The following FGF12 variants were observed in gnomAD, a reference collection of about 807,000 sequenced individuals.
The protein encoded by FGF12 is fibroblast growth factor 12, also known as fibroblast growth factor 12B.
Under a neutral mutation model 23.6 loss-of-function variants are expected in FGF12, and 14 were observed. That is an observed-to-expected ratio of 0.59 (90% confidence interval 0.39 to 0.93). The LOEUF (loss-of-function observed/expected upper bound fraction) is 0.93. Among genes scored for constraint, FGF12 ranks in the 40% least tolerant of loss-of-function variants. The pLI is 0.00. For missense variants in FGF12, 175 were observed against 217.8 expected, an observed-to-expected ratio of 0.80 and a Z score of 1.24; for synonymous variants, 62 against 77.3, an observed-to-expected ratio of 0.80 and a Z score of 1.04.
chr3:192,274,759 C>G (rs1713675277), intron 4 of FGF12, among the ~76,000 whole-genome samples: 1 of 152,200 alleles, frequency 6.6e-6, no homozygotes, highest in South Asian at 2.1e-4. Flanking sequence ...AACAAGGACA[C>G]AGTGTGGCAC....
intron 2 of FGF12, 168 bp downstream of exon 2, chr3:192,727,013 A>G (rs1403616468): frequency 5.2e-6 from 4 of 762,660 alleles, no homozygotes; most frequent in Non-Finnish European, 8.8e-6. Flanking sequence ...AGTTAAAAAG[A>G]AGTCGCCTTC....
At chr3:192,288,918 T>C (rs960562160) in intron 4 of FGF12, among the ~76,000 whole-genome samples, 3 of 152,142 alleles carry the variant, frequency 2.0e-5, no homozygotes, top group Admixed American at 1.3e-4. Context: ...ATGCCTTTTA[T>C]GCTTAACTTT....
chr3:192,358,303 A>G (rs1374882684), intron 3 of FGF12, among the ~76,000 whole-genome samples: 4 of 152,086 alleles, frequency 2.6e-5, no homozygotes, highest in African/African-American at 9.7e-5. Context: ...AGGTATCCAG[A>G]TAAACTTGTA....
chr3:192,635,658 CTTCAA>C (rs1364755686), intron 2 of FGF12, among the ~76,000 whole-genome samples: 1 of 152,216 alleles, frequency 6.6e-6, no homozygotes, highest in African/African-American at 2.4e-5. Flanking sequence ...TTTGATATCA[CTTCAA>C]CCAATAGATG....
chr3:192,629,401 G>A (rs1176924098), intron 2 of FGF12, among the ~76,000 whole-genome samples: 3 of 152,328 alleles, frequency 2.0e-5, no homozygotes, highest in African/African-American at 4.8e-5. Flanking sequence ...AGTTTAAAAT[G>A]TTGGGGAGAT....
chr3:192,167,388 C>T (rs1432390912), intron 5 of FGF12, among the ~76,000 whole-genome samples: 1 of 151,906 alleles, frequency 6.6e-6, no homozygotes, highest in Non-Finnish European at 1.5e-5. Context: ...AGATCCAGGG[C>T]CAGCATGTGT....
intron 2 of FGF12, among the ~76,000 whole-genome samples, chr3:192,517,666 T>C (rs887928666): frequency 3.3e-5 from 5 of 152,232 alleles, no homozygotes. Context: ...CTGTATAGTA[T>C]GGACATTTGA....
intron 2 of FGF12, among the ~76,000 whole-genome samples, chr3:192,546,689 A>G (rs1251843126): frequency 2.7e-5 from 4 of 145,634 alleles, no homozygotes; most frequent in Non-Finnish European, 6.0e-5. Flanking sequence ...TCTCTACTCA[A>G]TAGACTTTTA....
Position 192,408,882 on chromosome 3 carries a change from G to T in FGF12, c.14-48344C>A. On this transcript the variant is annotated intron_variant, in intron 2 of 5. Transcript: ENST00000445105. The surrounding 1 kb of genome is among the most constrained non-coding windows in gnomAD (Gnocchi z 7.3). ...AGGAGGTCCGTCCCAGCAGGGTGAG[G>T]TCTACAGAATGCATCGCGCCGGCTG... 2.0e-6 allele frequency: 2 copies of T among 985,470 alleles called. No individual in the cohort carries two copies. Among genetic ancestry groups the T allele is most frequent in the Non-Finnish European group, 2.4e-6 (2 of 829,986 alleles). The allele number at this position is 985,470 out of a possible 1,614,324, so 61.0% of individuals were successfully genotyped here.
chr3:192,298,747 A>C (rs1031521316), intron 4 of FGF12, among the ~76,000 whole-genome samples: 1 of 149,940 alleles, frequency 6.7e-6, no homozygotes, highest in African/African-American at 2.4e-5. Context: ...TGTCTCAAAG[A>C]AAAAAAAAAG....
At chr3:192,524,553 G>A (rs977814349) in intron 2 of FGF12, among the ~76,000 whole-genome samples, 2 of 152,196 alleles carry the variant, frequency 1.3e-5, no homozygotes, top group Admixed American at 6.5e-5. Flanking sequence ...TCAAAGGCTT[G>A]TTGGACATGA....
At chr3:192,185,618 G>A (rs920269100) in intron 4 of FGF12, among the ~76,000 whole-genome samples, 2 of 151,732 alleles carry the variant, frequency 1.3e-5, no homozygotes, top group African/African-American at 4.8e-5. Flanking sequence ...TGCCAGTACT[G>A]TGGGAGGCCT....
chr3:192,258,022 A>T (rs76511575), intron 4 of FGF12, among the ~76,000 whole-genome samples: 10 of 51,930 alleles, frequency 1.9e-4, no homozygotes, highest in Non-Finnish European at 2.8e-4. Flanking sequence ...GGTAAAATTT[A>T]AAAAAAAAAA....
At chr3:192,629,130 CT>C (rs1362247340) in intron 2 of FGF12, among the ~76,000 whole-genome samples, 1 of 152,170 alleles carries the variant, frequency 6.6e-6, no homozygotes, top group East Asian at 1.9e-4. Context: ...TAGGAAGAAT[CT>C]GTAAATTATT....
At chr3:192,630,892 C>T (rs114070895) in intron 2 of FGF12, among the ~76,000 whole-genome samples, 2,733 of 152,002 alleles carry the variant, frequency 0.018, 33 homozygotes, top group Non-Finnish European at 0.029. Flanking sequence ...TATATTATGG[C>T]CTAGTCTGGT....
At chr3:192,241,345 C>T (rs985472152) in intron 4 of FGF12, among the ~76,000 whole-genome samples, 2 of 151,810 alleles carry the variant, frequency 1.3e-5, no homozygotes, top group Non-Finnish European at 1.5e-5. Context: ...ACTTATAATA[C>T]CAGGAGTTAA....
intron 2 of FGF12, among the ~76,000 whole-genome samples, chr3:192,641,632 C>G (rs756371634): frequency 1.7e-4 from 25 of 150,682 alleles, no homozygotes; most frequent in African/African-American, 5.9e-4. Context: ...TCTTGAACTC[C>G]CGACCTCAGG....
At chr3:192,196,797 A>G (rs1251137380) in intron 4 of FGF12, among the ~76,000 whole-genome samples, 1 of 152,200 alleles carries the variant, frequency 6.6e-6, no homozygotes, top group Non-Finnish European at 1.5e-5. Context: ...GAGCATACAA[A>G]TGAAGACACA....
chr3:192,188,247 C>G (rs968472330), intron 4 of FGF12, among the ~76,000 whole-genome samples: 2 of 152,180 alleles, frequency 1.3e-5, no homozygotes, highest in Admixed American at 6.5e-5. Context: ...AGCATAGGAC[C>G]TCCATACTCT....
Sources: gnomAD v4.1 joint callset for allele counts (sites outside exome capture counted in the v4.1 genomes callset) on GRCh38, gnomAD v4.1.1 for gene constraint, Gnocchi (gnomAD v3.1) non-coding constraint, MANE v1.5 for transcripts, NCBI Gene and HGNC (gene_info 2026-07-23, HGNC 2026-07-21) for gene names.